The following PCDH15 variants were observed in gnomAD, a reference collection of about 807,000 sequenced individuals.
The protein encoded by PCDH15 is protocadherin-15.
In PCDH15, 129 loss-of-function variants were observed where a neutral mutation model predicts 178.5. The observed-to-expected ratio is 0.72, with a 90% CI of 0.63 to 0.84. The LOEUF (loss-of-function observed/expected upper bound fraction) is 0.84. Among genes scored for constraint, PCDH15 ranks in the 40% least tolerant of loss-of-function variants. The pLI is 0.00. For missense variants in PCDH15, 2,230 were observed against 2,099.9 expected (o/e 1.06, Z -1.21); for synonymous variants, 800 against 732.0 (o/e 1.09, Z -1.50).
At chr10:54,858,946 T>A (rs1953789328) in intron 3 of PCDH15, among the ~76,000 whole-genome samples, 1 of 152,094 alleles carries the variant, frequency 6.6e-6, no homozygotes, top group Non-Finnish European at 1.5e-5. Flanking sequence ...TTCCTTTTTA[T>A]AGAATTTTGC....
chr10:55,106,658 C>T (rs1284900784), intron 2 of PCDH15, among the ~76,000 whole-genome samples: 1 of 152,120 alleles, frequency 6.6e-6, no homozygotes, highest in Non-Finnish European at 1.5e-5. Context: ...TCAGGTGATC[C>T]ACCCACCTCG....
intron 2 of PCDH15, among the ~76,000 whole-genome samples, chr10:55,426,378 C>T (rs945383828): frequency 1.3e-5 from 2 of 152,126 alleles, no homozygotes; most frequent in Non-Finnish European, 2.9e-5. Flanking sequence ...GAACTGCACT[C>T]AGTTGGACCC....
chr10:54,111,770 T>A (rs2132710255), intron 15 of PCDH15, among the ~76,000 whole-genome samples: 1 of 152,136 alleles, frequency 6.6e-6, no homozygotes, highest in Middle Eastern at 3.4e-3. Context: ...TCCCCAGAAC[T>A]CCAAAATACA....
chr10:53,828,899 C>T (rs1293509710), intron 30 of PCDH15, among the ~76,000 whole-genome samples: 2 of 152,092 alleles, frequency 1.3e-5, no homozygotes, highest in African/African-American at 4.8e-5. Flanking sequence ...GATGACCTGA[C>T]CTTTATAATT....
At chr10:54,342,584 A>ACACAGAGTCCCCC (rs1365935939) in intron 6 of PCDH15, among the ~76,000 whole-genome samples, 1 of 152,080 alleles carries the variant, frequency 6.6e-6, no homozygotes, top group African/African-American at 2.4e-5. Context: ...TGGAGTCCCC[A>ACACAGAGTCCCCC]CTTGGGACTG....
At chr10:55,561,601 C>G (rs1343715680) in intron 2 of PCDH15, among the ~76,000 whole-genome samples, 1 of 151,846 alleles carries the variant, frequency 6.6e-6, no homozygotes, top group Non-Finnish European at 1.5e-5. Flanking sequence ...TCTTAATCCA[C>G]TTAGTACATA....
At chr10:53,849,587 G>A (rs1424448492) in intron 28 of PCDH15, among the ~76,000 whole-genome samples, 4 of 151,994 alleles carry the variant, frequency 2.6e-5, no homozygotes, top group South Asian at 4.1e-4. Context: ...CAAATTGGCC[G>A]GACGCGGTGG....
chr10:55,028,916 C>T (rs1294670240), intron 2 of PCDH15, among the ~76,000 whole-genome samples: 2 of 151,932 alleles, frequency 1.3e-5, no homozygotes, highest in Non-Finnish European at 2.9e-5. Flanking sequence ...ATTTAAAGTG[C>T]TTTTTCTGTT....
intron 1 of PCDH15, among the ~76,000 whole-genome samples, chr10:54,761,443 G>T (rs1442587655): frequency 6.6e-6 from 1 of 151,956 alleles, no homozygotes; most frequent in Admixed American, 6.6e-5. Flanking sequence ...GAACTTGCGG[G>T]GGCCAAGACA....
intron 3 of PCDH15, among the ~76,000 whole-genome samples, chr10:54,500,641 C>T (rs2080583715): frequency 6.6e-6 from 1 of 151,902 alleles, no homozygotes; most frequent in Non-Finnish European, 1.5e-5. Context: ...ACCAGCCTGG[C>T]CAATGTGGTG....
intron 7 of PCDH15, among the ~76,000 whole-genome samples, chr10:54,328,492 A>G (rs1350793973): frequency 1.3e-5 from 2 of 152,176 alleles, no homozygotes; most frequent in East Asian, 1.9e-4. Flanking sequence ...TATACATAGT[A>G]TAATTCAGAA....
At chr10:54,897,854 CTAGA>C (rs138611619) in intron 2 of PCDH15, among the ~76,000 whole-genome samples, 3,486 of 152,216 alleles carry the variant, frequency 0.023, 51 homozygotes, top group Non-Finnish European at 0.039. Context: ...ATTTGATATG[CTAGA>C]TATTTTACCT....
intron 2 of PCDH15, among the ~76,000 whole-genome samples, chr10:55,396,272 AG>A (rs1375524899): frequency 2.0e-5 from 3 of 152,160 alleles, no homozygotes; most frequent in African/African-American, 7.2e-5. Flanking sequence ...AACCCTGTAG[AG>A]AAAAGATTGC....
At position 55,504,213 on chromosome 10, in the gene PCDH15, A is replaced by G. The variant is rs1840714429; in HGVS notation, c.-156+123412T>C. Among the ~76,000 whole-genome samples the G allele has an allele frequency of 3.3e-5, 5 of 151,414 alleles. No individual in the cohort carries two copies. The Admixed American group carries it at 3.3e-4, about 10-fold the overall frequency. On this transcript the variant is annotated intron_variant, in intron 2 of 5. Coordinates refer to the PCDH15 transcript ENST00000613346. ...GTAGATTCATCAATTGTAAAATTAA[A>G]AAAAAATTAAAAGCACCACTCAGGT... is the stretch of plus-strand genomic sequence containing the variant.
At chr10:54,177,263 A>C (rs11004120) in intron 13 of PCDH15, among the ~76,000 whole-genome samples, 25,513 of 152,138 alleles carry the variant, frequency 0.17, 2,783 homozygotes, top group Non-Finnish European at 0.25. Context: ...AATGATTGTC[A>C]GGGGAAGGAA....
chr10:54,828,003 T>A (rs2133748014), intron 3 of PCDH15, among the ~76,000 whole-genome samples: 1 of 152,184 alleles, frequency 6.6e-6, no homozygotes, highest in East Asian at 1.9e-4. Flanking sequence ...TACAAACACA[T>A]ATTTATACAA....
intron 25 of PCDH15, among the ~76,000 whole-genome samples, chr10:53,926,082 T>C (rs991617244): frequency 6.6e-6 from 1 of 152,212 alleles, no homozygotes; most frequent in South Asian, 2.1e-4. Flanking sequence ...TCCTTTCTCT[T>C]TATAACCAGT....
chr10:54,717,267 A>C (rs2095492190), intron 1 of PCDH15, among the ~76,000 whole-genome samples: 1 of 120,956 alleles, frequency 8.3e-6, no homozygotes, highest in African/African-American at 3.3e-5. Flanking sequence ...AATGGGATCT[A>C]ATTAAACTAA....
chr10:54,405,173 A>G (rs1197971518), intron 3 of PCDH15, among the ~76,000 whole-genome samples: 1 of 152,118 alleles, frequency 6.6e-6, no homozygotes, highest in East Asian at 1.9e-4. Flanking sequence ...AGGGAATAAA[A>G]ATTGCTCTAT....
Sources: allele counts gnomAD v4.1 joint callset (sites outside exome capture counted in the v4.1 genomes callset), GRCh38; gene constraint gnomAD v4.1.1; transcripts MANE v1.5; gene names NCBI Gene and HGNC (gene_info 2026-07-23, HGNC 2026-07-21).